RELN: variants seen among roughly 807,000 people sequenced by gnomAD.
The protein encoded by RELN is reelin.
A neutral mutation model predicts 427.6 loss-of-function variants in RELN; 108 were observed. The observed-to-expected ratio is 0.25, with a 90% confidence interval of 0.22 to 0.30. The LOEUF (loss-of-function observed/expected upper bound fraction) is 0.30, where lower values mean the gene tolerates loss of function less well. Among genes scored for constraint, RELN ranks in the 10% least tolerant of loss-of-function variants. The pLI is 1.00. For missense variants in RELN, 3,715 were observed against 4,302.8 expected (o/e 0.86, Z 3.82); for synonymous variants, 1,524 against 1,513.4 (o/e 1.01, Z -0.16).
In RELN at chr7:103,989,032, T is replaced by C; in HGVS notation, c.226+99A>G. 2.7e-6 allele frequency: 3 copies of C among 1,096,530 alleles called. No homozygotes were observed. Among genetic ancestry groups the C allele is most frequent in the Non-Finnish European group, 4.2e-6 (3 of 717,064 alleles). The allele number at this position is 1,096,530 out of a possible 1,614,324, so 67.9% of individuals were successfully genotyped here. ...TCGCTGGGGCCAGGGTTGTCATGGT[T>C]CTTGTTTCCAAGGCCCCTTGGAAGA... On this transcript the variant is annotated intron_variant, in intron 1 of 64. Coordinates refer to ENST00000428762, the MANE Select transcript of RELN (RefSeq NM_005045.4). The surrounding 1 kb of genome is among the most constrained non-coding windows in gnomAD (Gnocchi z 4.9).
At chr7:103,515,067 G>C in intron 50 of RELN, 118 bp downstream of exon 50, 1 of 1,262,938 alleles carries the variant, frequency 7.9e-7, no homozygotes, top group Non-Finnish European at 1.1e-6. Context: ...ACCCTTTTCA[G>C]CGTTTCTACA....
intron 1 of RELN, among the ~76,000 whole-genome samples, chr7:103,919,895 G>T (rs535974168): frequency 6.6e-6 from 1 of 152,266 alleles, no homozygotes; most frequent in African/African-American, 2.4e-5. Context: ...TCACACTTGT[G>T]AATGTAAAAT....
At chr7:103,687,775 A>G (rs1319984971) in intron 10 of RELN, among the ~76,000 whole-genome samples, 1 of 152,144 alleles carries the variant, frequency 6.6e-6, no homozygotes, top group Non-Finnish European at 1.5e-5. Context: ...ATAAATAAAT[A>G]AGGCAAAAGA....
intron 59 of RELN, among the ~76,000 whole-genome samples, chr7:103,490,458 C>T (rs932072419): frequency 2.0e-5 from 3 of 152,172 alleles, no homozygotes; most frequent in African/African-American, 7.2e-5. Flanking sequence ...GAATCATTTA[C>T]AGACACACTC....
chr7:103,989,565 G>T lies in RELN; in HGVS notation c.-209C>A. ...CCCAAAGTTACTTTGGGCCGCGGGA[G>T]CGCGGGACCGGGGCTGCGGGCGCCG... On this transcript the variant is annotated 5_prime_UTR_variant, in exon 1 of 65. Transcript: ENST00000428762. The surrounding 1 kb of genome is among the most constrained non-coding windows in gnomAD (Gnocchi z 4.9). 1 of 431,718 alleles carries T rather than the reference G, an allele frequency of 2.3e-6. No homozygotes were observed. Among genetic ancestry groups the T allele is most frequent in the Non-Finnish European group, 3.9e-6 (1 of 257,842 alleles). The allele number at this position is 431,718 out of a possible 1,614,324, so 26.7% of individuals were successfully genotyped here. A position where few individuals can be genotyped will look rare whatever the true frequency, so the allele number is the denominator to read the frequency against.
At chr7:103,512,603 G>T (rs1829454332) in intron 50 of RELN, among the ~76,000 whole-genome samples, 1 of 152,170 alleles carries the variant, frequency 6.6e-6, no homozygotes, top group Admixed American at 6.5e-5. Flanking sequence ...CTTGTGTGTT[G>T]ATCCTCTCTC....
chr7:103,976,832 AT>A (rs1008548502), intron 1 of RELN, among the ~76,000 whole-genome samples: 62 of 152,250 alleles, frequency 4.1e-4, no homozygotes, highest in African/African-American at 1.5e-3. Context: ...GGGCAAATTG[AT>A]TGAGTCCAGG....
At chr7:103,800,820 CA>C (rs1278838074) in intron 3 of RELN, among the ~76,000 whole-genome samples, 2 of 152,108 alleles carry the variant, frequency 1.3e-5, no homozygotes, top group African/African-American at 4.8e-5. Flanking sequence ...AAAATTTTTG[CA>C]ATCTACTCAT....
At chr7:103,871,463 A>G (rs1232320244) in intron 2 of RELN, among the ~76,000 whole-genome samples, 1 of 152,068 alleles carries the variant, frequency 6.6e-6, no homozygotes, top group Non-Finnish European at 1.5e-5. Flanking sequence ...AACTACCAAG[A>G]ATGTATTTCC....
chr7:103,947,106 C>G (rs143215325), intron 1 of RELN, among the ~76,000 whole-genome samples: 23 of 152,306 alleles, frequency 1.5e-4, no homozygotes, highest in Admixed American at 3.9e-4. Flanking sequence ...CATTTAAAAA[C>G]TAAACAACAG....
intron 10 of RELN, among the ~76,000 whole-genome samples, chr7:103,692,103 GA>G (rs1833884325): frequency 6.6e-6 from 1 of 152,080 alleles, no homozygotes; most frequent in African/African-American, 2.4e-5. Context: ...AGTCATCACT[GA>G]ATTAAAAATT....
chr7:103,653,783 GA>G (rs1832971130), intron 13 of RELN, among the ~76,000 whole-genome samples: 1 of 152,162 alleles, frequency 6.6e-6, no homozygotes, highest in South Asian at 2.1e-4. Flanking sequence ...GCAAGTGCAT[GA>G]GGGGGCATAA....
In RELN at chr7:103,978,462, C is replaced by T. The variant is rs139527745; in HGVS notation, c.226+10669G>A. ...CTGCTTCTACAGGATGGCAAGGAAG[C>T]ACACACCTCGTTCAGTATTTCCTAT... On this transcript the variant is annotated intron_variant, in intron 1 of 64. Coordinates refer to ENST00000428762, the MANE Select transcript of RELN (RefSeq NM_005045.4). 2.8e-3 allele frequency among the ~76,000 whole-genome samples: 419 copies of T among 152,294 alleles called. 5 individuals carry two copies. The highest frequency in any genetic ancestry group is 0.011 in the Admixed American group (164 of 15,286).
At chr7:103,955,092 C>T (rs1461051838) in intron 1 of RELN, among the ~76,000 whole-genome samples, 2 of 152,174 alleles carry the variant, frequency 1.3e-5, no homozygotes, top group Non-Finnish European at 2.9e-5. Context: ...GCAGATCCAA[C>T]AGAAATGAAC....
chr7:103,987,696 C>A (rs1797132360), intron 1 of RELN, among the ~76,000 whole-genome samples: 1 of 152,128 alleles, frequency 6.6e-6, no homozygotes, highest in Non-Finnish European at 1.5e-5. Context: ...GCTGCTCCTT[C>A]CACTTAAAGA....
intron 7 of RELN, among the ~76,000 whole-genome samples, chr7:103,726,736 G>A (rs1790221272): frequency 6.6e-6 from 1 of 152,010 alleles, no homozygotes; most frequent in African/African-American, 2.4e-5. Context: ...TTTAGTCTAA[G>A]CTCAATTAAC....
chr7:103,652,001 CTA>C (rs1372620655), intron 14 of RELN, among the ~76,000 whole-genome samples: 3 of 152,052 alleles, frequency 2.0e-5, no homozygotes, highest in African/African-American at 4.8e-5. Flanking sequence ...TATAAACAAA[CTA>C]TGTTTCAAAG....
At chr7:103,520,489 T>A (rs1011852859) in intron 48 of RELN, among the ~76,000 whole-genome samples, 9 of 152,144 alleles carry the variant, frequency 5.9e-5, no homozygotes, top group African/African-American at 2.2e-4. Flanking sequence ...TTGGCCAGGC[T>A]GGTCTTGAAC....
Position 103,495,863 on chromosome 7 carries a change from G to A in RELN, c.9229C>T (p.Pro3077Ser). The A allele has an allele frequency of 6.2e-7, 1 of 1,613,564 alleles. No individual in the cohort carries two copies. Among genetic ancestry groups the A allele is most frequent in the Non-Finnish European group, 8.5e-7 (1 of 1,179,810 alleles). The part of the protein sequence containing the change: ...TSHEENWSFY[P>S]NAVRTAGFCG... ...AATCCTGCTGTCCTTACAGCATTAG[G>A]GTAAAAACTCCAGTTTTCTTCATGG... Residue 3077 changes from proline (P) to serine (S), a missense_variant, in exon 57 of 65, where the codon CCT becomes TCT. Physicochemically the swap from Pro to Ser is moderately conservative, Grantham distance 74 (BLOSUM62 -1). This residue lies in a region of RELN where 1,310 missense variants were observed against 1,643.0 expected (regional missense o/e 0.80). Coordinates refer to ENST00000428762, the MANE Select transcript of RELN (RefSeq NM_005045.4).
Sources: allele counts gnomAD v4.1 joint callset (sites outside exome capture counted in the v4.1 genomes callset), GRCh38; gene constraint gnomAD v4.1.1; regional missense constraint gnomAD v4.1.1; non-coding constraint Gnocchi (gnomAD v3.1); transcripts MANE v1.5; gene names NCBI Gene and HGNC (gene_info 2026-07-23, HGNC 2026-07-21).